ENTREP2: variants seen among roughly 807,000 people sequenced by gnomAD.
The protein encoded by ENTREP2 is endosomal transmembrane epsin interactor 2.
the ENTREP2 span, among the ~76,000 whole-genome samples, chr15:29,654,496 G>A: frequency 6.6e-6 from 1 of 152,154 alleles, no homozygotes. Flanking sequence ...TTAACTTGCA[G>A]AAAGACATGC....
chr15:29,122,833 A>AGAGC, the ENTREP2 span: 1 of 154,322 alleles, frequency 6.5e-6, no homozygotes, highest in Admixed American at 6.4e-5. Context: ...GAAATAGGCC[A>AGAGC]GAGCGTGATG....
chr15:29,660,991 CAA>C, the ENTREP2 span, among the ~76,000 whole-genome samples: 1 of 152,108 alleles, frequency 6.6e-6, no homozygotes, highest in African/African-American at 2.4e-5. Flanking sequence ...TACCAAGGGA[CAA>C]CTCTATAATT....
the ENTREP2 span, among the ~76,000 whole-genome samples, chr15:29,420,083 C>T: frequency 6.6e-6 from 1 of 152,164 alleles, no homozygotes; most frequent in Non-Finnish European, 1.5e-5. Flanking sequence ...GCAGCAACAG[C>T]AGCAGCAGAG....
the ENTREP2 span, chr15:29,570,528 A>G: frequency 1.4e-6 from 2 of 1,448,590 alleles, no homozygotes; most frequent in Non-Finnish European, 1.8e-6. Context: ...CAGAAGGGGC[A>G]GGAGTGGCGG....
the ENTREP2 span, among the ~76,000 whole-genome samples, chr15:29,430,651 A>AAAACAAAC: frequency 1.4e-5 from 2 of 147,290 alleles, no homozygotes; most frequent in African/African-American, 5.4e-5. Context: ...CTCCATCTCA[A>AAAACAAAC]AAACAAACAA....
At chr15:29,422,687 A>T in the ENTREP2 span, among the ~76,000 whole-genome samples, 1 of 152,226 alleles carries the variant, frequency 6.6e-6, no homozygotes, top group South Asian at 2.1e-4. Flanking sequence ...CAGTAAATTT[A>T]TCTGGACAAA....
chr15:29,540,731 A>C, the ENTREP2 span, among the ~76,000 whole-genome samples: 3 of 152,272 alleles, frequency 2.0e-5, no homozygotes, highest in Non-Finnish European at 2.9e-5. Context: ...TCAAGCACTG[A>C]TAAAGTGATG....
the ENTREP2 span, chr15:29,235,211 A>G: frequency 1.7e-6 from 1 of 604,162 alleles, no homozygotes; most frequent in Non-Finnish European, 3.0e-6. Context: ...AGATAGTTCT[A>G]TAGTCTTGAT....
chr15:29,638,104 T>C, the ENTREP2 span, among the ~76,000 whole-genome samples: 1,040 of 152,276 alleles, frequency 6.8e-3, 18 homozygotes, highest in African/African-American at 0.023. Context: ...ATTGGCTCAG[T>C]CCTTTCTGCA....
chr15:29,609,653 A>G, the ENTREP2 span: 1 of 150,056 alleles, frequency 6.7e-6, no homozygotes, highest in African/African-American at 2.4e-5. Flanking sequence ...TTACCCAATT[A>G]TTACTAATTA....
chr15:29,411,259 GAA>G, the ENTREP2 span, among the ~76,000 whole-genome samples: 2 of 152,152 alleles, frequency 1.3e-5, no homozygotes, highest in Non-Finnish European at 1.5e-5. Context: ...TTCAGCTATA[GAA>G]AAGAATGCCA....
chr15:29,350,055 C>T, the ENTREP2 span, among the ~76,000 whole-genome samples: 1 of 152,168 alleles, frequency 6.6e-6, no homozygotes, highest in Non-Finnish European at 1.5e-5. Context: ...ACACTACCAA[C>T]CAAGCTATAA....
chr15:29,261,146 G>T, the ENTREP2 span, among the ~76,000 whole-genome samples: 2 of 152,146 alleles, frequency 1.3e-5, no homozygotes, highest in Non-Finnish European at 2.9e-5. Flanking sequence ...AGGCTAGCGG[G>T]GGAGGACTGC....
the ENTREP2 span, among the ~76,000 whole-genome samples, chr15:29,432,285 C>A: frequency 6.6e-6 from 1 of 152,150 alleles, no homozygotes; most frequent in Non-Finnish European, 1.5e-5. Context: ...CCACCTCTGC[C>A]CCAGACACCA....
At chr15:29,119,342 C>T in the ENTREP2 span, among the ~76,000 whole-genome samples, 13 of 10,394 alleles carry the variant, frequency 1.3e-3, 1 homozygote, top group African/African-American at 1.6e-3. Context: ...AGTAAACTAT[C>T]GCAAGAACAA....
the ENTREP2 span, among the ~76,000 whole-genome samples, chr15:29,341,922 A>G: frequency 2.0e-4 from 30 of 152,296 alleles, no homozygotes; most frequent in African/African-American, 7.0e-4. Context: ...ATTTTTTCCT[A>G]TATGTGTCAA....
chr15:29,238,426 A>G, the ENTREP2 span, among the ~76,000 whole-genome samples: 2 of 152,080 alleles, frequency 1.3e-5, no homozygotes, highest in South Asian at 2.1e-4. Context: ...AGGTCAGAAG[A>G]TTGAGACCAT....
chr15:29,130,496 G>A, the ENTREP2 span, among the ~76,000 whole-genome samples: 894 of 152,198 alleles, frequency 5.9e-3, 5 homozygotes, highest in Middle Eastern at 0.02. Flanking sequence ...CTTTTGGATC[G>A]TAGACGGGTG....
the ENTREP2 span, among the ~76,000 whole-genome samples, chr15:29,467,754 G>T: frequency 6.6e-6 from 1 of 152,200 alleles, no homozygotes; most frequent in African/African-American, 2.4e-5. Flanking sequence ...GCCAGGCACA[G>T]AAGGCAGTGT....
Sources: gnomAD v4.1 joint callset for allele counts (sites outside exome capture counted in the v4.1 genomes callset) on GRCh38, gnomAD v4.1.1 for gene constraint, MANE v1.5 for transcripts, NCBI Gene and HGNC (gene_info 2026-07-23, HGNC 2026-07-21) for gene names.